OSBPL9: variants seen among roughly 807,000 people sequenced by gnomAD.
OSBPL9 encodes the protein oxysterol binding protein like 9.
A neutral mutation model predicts 106.6 loss-of-function variants in OSBPL9; 40 were observed. The ratio of observed to expected loss-of-function variants is 0.38; its 90% confidence interval spans 0.29 to 0.49. OSBPL9 has a LOEUF of 0.49. Among genes scored for constraint, OSBPL9 ranks in the 20% least tolerant of loss-of-function variants. The pLI, the probability that OSBPL9 is intolerant of heterozygous loss-of-function variation, is 0.97. For missense variants in OSBPL9, 609 were observed against 887.2 expected, an observed-to-expected ratio of 0.69 and a Z score of 3.98; for synonymous variants, 269 against 295.4, an observed-to-expected ratio of 0.91 and a Z score of 0.92.
chr1:51,762,791 T>A (rs1390327767), intron 11 of OSBPL9, among the ~76,000 whole-genome samples: 1 of 152,228 alleles, frequency 6.6e-6, no homozygotes, highest in Non-Finnish European at 1.5e-5. Context: ...TTTGTAAAAT[T>A]AGGTCTACAG....
At chr1:51,730,075 C>G in intron 4 of OSBPL9, 2 of 1,270,038 alleles carry the variant, frequency 1.6e-6, no homozygotes, top group Non-Finnish European at 2.0e-6. Context: ...GCCGCCAGGC[C>G]GGAGCGCGAA....
chr1:51,754,252 C>G (rs958752101), intron 8 of OSBPL9, among the ~76,000 whole-genome samples: 1 of 152,192 alleles, frequency 6.6e-6, no homozygotes, highest in African/African-American at 2.4e-5. Context: ...TACTAGAACA[C>G]TATTTTTGCA....
intron 2 of OSBPL9, among the ~76,000 whole-genome samples, chr1:51,601,792 T>C (rs76361237): frequency 0.012 from 1,869 of 152,308 alleles, 40 homozygotes; most frequent in African/African-American, 0.044. Context: ...ACCAATTAAG[T>C]ACAAGCACTT....
At chr1:51,606,613 G>A (rs950226995) in intron 2 of OSBPL9, among the ~76,000 whole-genome samples, 2 of 152,184 alleles carry the variant, frequency 1.3e-5, no homozygotes, top group African/African-American at 4.8e-5. Context: ...AAGGAGGCAG[G>A]CACATGATTA....
rs1659330294 is a variant in OSBPL9, at chr1:51,709,382, T to G, written c.242-4621T>G. On this transcript the variant is annotated intron_variant, in intron 3 of 23. Transcript: ENST00000428468. ...TCCTTCTGGGAGGCGTGCATAAGCA[T>G]GCACAGTTCTGGAGATATTTTGCAG... The G allele has an allele frequency of 1.4e-5, 3 of 208,754 alleles. No individual in the cohort carries two copies. The East Asian group carries it at 3.3e-4, about 23-fold the overall frequency. 12.9% of individuals were successfully genotyped at this position (208,754 alleles called of 1,614,324 possible). A position where few individuals can be genotyped will look rare whatever the true frequency, so the allele number is the denominator to read the frequency against.
intron 3 of OSBPL9, among the ~76,000 whole-genome samples, chr1:51,683,633 A>G (rs1653100118): frequency 6.6e-6 from 1 of 151,984 alleles, no homozygotes; most frequent in Non-Finnish European, 1.5e-5. Flanking sequence ...TCTCTACCAA[A>G]AATACAAAAC....
At chr1:51,586,723 T>A (rs1645249893) in intron 1 of OSBPL9, among the ~76,000 whole-genome samples, 1 of 152,180 alleles carries the variant, frequency 6.6e-6, no homozygotes, top group Non-Finnish European at 1.5e-5. Context: ...CAGAGGCTAA[T>A]GTTTTGCCCC....
chr1:51,617,128 A>G lies in OSBPL9; in HGVS notation c.18A>G (p.Glu6=), dbSNP rs759006038. The part of the protein sequence containing the change: MASIM[E]GPLSKWTNVM... ...CTCCCAAGATGGCGTCCATCATGGA[A>G]GGGCCGCTGAGCAAATGGACTAACG... Residue 6 remains glutamate, a synonymous_variant, in exon 1 of 24, where the codon GAA becomes GAG. Coordinates refer to ENST00000428468, the MANE Select transcript of OSBPL9 (RefSeq NM_024586.6). The G allele has an allele frequency of 5.6e-6, 9 of 1,612,540 alleles. No homozygotes were observed. Among genetic ancestry groups the G allele is most frequent in the East Asian group, 2.2e-5 (1 of 44,826 alleles).
chr1:51,617,695 G>T (rs1644147892), intron 1 of OSBPL9, among the ~76,000 whole-genome samples: 2 of 152,142 alleles, frequency 1.3e-5, no homozygotes, highest in African/African-American at 4.8e-5. Flanking sequence ...GAGGAGCCGG[G>T]ACAGGTCCAA....
At chr1:51,574,331 T>C (rs528911981), upstream of OSBPL9, among the ~76,000 whole-genome samples, 1 of 152,294 alleles carries the variant, frequency 6.6e-6, no homozygotes, top group African/African-American at 2.4e-5. Flanking sequence ...TTGAAAGGCA[T>C]GAAACAGGCC....
At chr1:51,552,226 T>C in the OSBPL9 span, among the ~76,000 whole-genome samples, 3 of 152,308 alleles carry the variant, frequency 2.0e-5, no homozygotes, top group Non-Finnish European at 4.4e-5. Flanking sequence ...GTAAGCCCCA[T>C]GAAGGTAGAA....
upstream of OSBPL9, among the ~76,000 whole-genome samples, chr1:51,613,440 C>T (rs972157684): frequency 6.6e-6 from 1 of 152,216 alleles, no homozygotes; most frequent in African/African-American, 2.4e-5. Context: ...TTAATACTCT[C>T]AGGTACCTGG....
the OSBPL9 span, among the ~76,000 whole-genome samples, chr1:51,537,879 C>G: frequency 6.6e-6 from 1 of 152,102 alleles, no homozygotes; most frequent in South Asian, 2.1e-4. Flanking sequence ...ATTACTGATA[C>G]TTTAATTCCA....
the OSBPL9 span, among the ~76,000 whole-genome samples, chr1:51,543,282 T>A: frequency 6.6e-6 from 1 of 152,250 alleles, no homozygotes; most frequent in Non-Finnish European, 1.5e-5. Flanking sequence ...AAACTTGAGA[T>A]CTTCTCCTAG....
intron 4 of OSBPL9, among the ~76,000 whole-genome samples, chr1:51,723,947 T>G (rs373170324): frequency 6.6e-6 from 1 of 152,282 alleles, no homozygotes; most frequent in East Asian, 1.9e-4. Context: ...TTTTTCTCTC[T>G]CAGTCCTTTA....
At chr1:51,695,650 C>T (rs1240606417) in intron 3 of OSBPL9, among the ~76,000 whole-genome samples, 2 of 152,124 alleles carry the variant, frequency 1.3e-5, no homozygotes, top group Non-Finnish European at 2.9e-5. Context: ...TTTAACGGAA[C>T]TAGGGGTGTC....
intron 11 of OSBPL9, among the ~76,000 whole-genome samples, chr1:51,764,790 G>A (rs924566171): frequency 3.3e-5 from 5 of 152,078 alleles, no homozygotes; most frequent in Non-Finnish European, 7.4e-5. Context: ...TCACTTTGTT[G>A]CACAGGCTGG....
chr1:51,682,513 A>G (rs1208774099), intron 3 of OSBPL9, among the ~76,000 whole-genome samples: 1 of 152,098 alleles, frequency 6.6e-6, no homozygotes, highest in African/African-American at 2.4e-5. Context: ...TAATCCCAGC[A>G]CTTTGGGAGG....
At chr1:51,735,348 A>C (rs532344133) in intron 4 of OSBPL9, among the ~76,000 whole-genome samples, 119 of 152,138 alleles carry the variant, frequency 7.8e-4, no homozygotes, top group South Asian at 3.9e-3. Context: ...CCCTACTCTC[A>C]CTTCTGTGGG....
Sources: gnomAD v4.1 joint callset for allele counts (sites outside exome capture counted in the v4.1 genomes callset) on GRCh38, gnomAD v4.1.1 for gene constraint, MANE v1.5 for transcripts, NCBI Gene and HGNC (gene_info 2026-07-23, HGNC 2026-07-21) for gene names.